Variants in ELP2 observed in about 807,000 individuals in gnomAD.
The protein encoded by ELP2 is elongator acetyltransferase complex subunit 2, also known as elongator complex protein 2.
Under a neutral mutation model 119.2 loss-of-function variants are expected in ELP2, and 90 were observed. The ratio of observed to expected loss-of-function variants is 0.75; its 90% CI spans 0.64 to 0.90. The LOEUF (loss-of-function observed/expected upper bound fraction) is 0.90, where lower values mean the gene tolerates loss of function less well. Among genes scored for constraint, ELP2 ranks in the 40% least tolerant of loss-of-function variants. The probability of loss-of-function intolerance (pLI) is 0.00; values close to 1 mark genes in which losing one functional copy is unlikely to be tolerated. For missense variants in ELP2, 921 were observed against 967.8 expected (o/e 0.95, Z 0.64); for synonymous variants, 339 against 331.0 (o/e 1.02, Z -0.26).
intron 21 of ELP2, among the ~76,000 whole-genome samples, chr18:36,173,600 G>T (rs1431911661): frequency 6.6e-6 from 1 of 152,196 alleles, no homozygotes; most frequent in African/African-American, 2.4e-5. Context: ...AGGGCACGCA[G>T]TCATCTTGTT....
intron 12 of ELP2, among the ~76,000 whole-genome samples, chr18:36,155,327 T>G (rs949680507): frequency 1.0e-4 from 15 of 146,468 alleles, no homozygotes; most frequent in African/African-American, 3.8e-4. Flanking sequence ...CGGCCTCTTC[T>G]TATTTTACTA....
chr18:36,141,248 A>G (rs768819477), intron 6 of ELP2, 47 bp downstream of exon 6: 6 of 1,397,174 alleles, frequency 4.3e-6, no homozygotes, highest in South Asian at 2.3e-5. Flanking sequence ...CTGCTTAGTT[A>G]TATCTCAATA....
intron 5 of ELP2, chr18:36,139,346 C>A: frequency 7.2e-7 from 1 of 1,394,142 alleles, no homozygotes; most frequent in Non-Finnish European, 9.6e-7. Context: ...TGAAACCCAT[C>A]TGTATTTATC....
rs1342025359 is a variant in ELP2 at position 36,164,145 on chromosome 18, A to G, written c.1762-330A>G. ...TTTCATTTTTTTCCCCCTTCATGTC[A>G]CAGTTTTTCATTTTATTTTTCCCCC... On this transcript the variant is annotated intron_variant, in intron 17 of 21. Transcript: ENST00000358232. 2.0e-5 allele frequency among the ~76,000 whole-genome samples: 3 copies of G among 151,860 alleles called. No individual in the cohort carries two copies. In the East Asian group the frequency reaches 5.8e-4, roughly 29 times the overall value.
At chr18:36,153,835 G>A (rs1023476451) in intron 11 of ELP2, among the ~76,000 whole-genome samples, 1 of 151,808 alleles carries the variant, frequency 6.6e-6, no homozygotes, top group African/African-American at 2.4e-5. Flanking sequence ...TGAAGGTACA[G>A]AGTTTCCACG....
intron 19 of ELP2, 81 bp from the exon 20 acceptor site, chr18:36,169,982 A>G: frequency 2.5e-6 from 4 of 1,571,212 alleles, no homozygotes; most frequent in East Asian, 4.5e-5. Context: ...ACTTTGTTTT[A>G]TCTTTGCCGA....
rs1383405472 is a variant in ELP2 at position 36,180,225 on chromosome 18, C to T, written c.*5584C>T. 1 of 152,188 alleles carries T rather than the reference C, an allele frequency of 6.6e-6. No individual in the cohort carries two copies. Among genetic ancestry groups the T allele is most frequent in the Non-Finnish European group, 1.5e-5 (1 of 68,044 alleles). The allele number at this position is 152,188 out of a possible 1,614,324, so 9.4% of individuals were successfully genotyped here. A position where few individuals can be genotyped will look rare whatever the true frequency, so the allele number is the denominator to read the frequency against. On this transcript the variant is annotated 3_prime_UTR_variant, in exon 22 of 22. Coordinates refer to ENST00000358232, the MANE Select transcript of ELP2 (RefSeq NM_018255.4). ...AAGAGGAAGAAGGCATGAAGAAAGG[C>T]CTGCCCCTGACTTTAAAAACATTTC...
In ELP2 at chr18:36,177,426, T is replaced by C. The variant is rs1012479450; in HGVS notation, c.*2785T>C. On this transcript the variant is annotated 3_prime_UTR_variant, in exon 22 of 22. Transcript: ENST00000358232. Reference sequence around the variant, plus strand: ...TCACTGGAAGACAAATACTCTATGCTTCCATTTATGTGAAGTATCTAGAGC... The same window carrying C: ...TCACTGGAAGACAAATACTCTATGCCTCCATTTATGTGAAGTATCTAGAGC... 6.6e-6 allele frequency: 1 copy of C among 152,212 alleles called. No homozygotes were observed. The highest frequency in any genetic ancestry group is 1.5e-5 in the Non-Finnish European group (1 of 68,034). 9.4% of individuals were successfully genotyped at this position (152,212 alleles called of 1,614,324 possible).
At chr18:36,139,732 T>C in intron 5 of ELP2, 3 of 793,024 alleles carry the variant, frequency 3.8e-6, no homozygotes, top group East Asian at 2.7e-5. Flanking sequence ...AAGTCTCTTA[T>C]CTAGCAGAGT....
At chr18:36,149,134 C>T (rs1262314187) in intron 11 of ELP2, among the ~76,000 whole-genome samples, 5 of 152,192 alleles carry the variant, frequency 3.3e-5, no homozygotes, top group Non-Finnish European at 5.9e-5. Flanking sequence ...TCCTCAATGA[C>T]CCATTTATTC....
intron 1 of ELP2, among the ~76,000 whole-genome samples, chr18:36,132,175 C>T (rs2089658175): frequency 6.6e-6 from 1 of 152,074 alleles, no homozygotes; most frequent in African/African-American, 2.4e-5. Flanking sequence ...CATGAGCCAC[C>T]ACACCTGGCC....
Position 36,171,111 on chromosome 18 carries a change from C to G in ELP2, c.2275C>G (p.Gln759Glu), listed in dbSNP as rs775689375. ...ICLYTWKKTD[Q>E]VPEINDWTHC... Reference sequence around the variant, plus strand: ...CTTATATACCTGGAAAAAGACTGATCAAGTTCCAGAAATAAATGACTGGAC... The same window carrying G: ...CTTATATACCTGGAAAAAGACTGATGAAGTTCCAGAAATAAATGACTGGAC... The change falls in exon 21 of 22, where the codon CAA becomes GAA. Residue 759 changes from glutamine (Q) to glutamate (E), a missense_variant. By Grantham distance (29) the Gln-to-Glu change is conservative. Coordinates refer to ENST00000358232, the MANE Select transcript of ELP2 (RefSeq NM_018255.4). The G allele has an allele frequency of 3.1e-6, 5 of 1,614,092 alleles. No homozygotes were observed. Among genetic ancestry groups the G allele is most frequent in the Non-Finnish European group, 4.2e-6 (5 of 1,179,924 alleles).
intron 9 of ELP2, 168 bp downstream of exon 9, chr18:36,145,202 G>C: frequency 1.1e-5 from 7 of 630,732 alleles, no homozygotes; most frequent in Non-Finnish European, 2.0e-5. Flanking sequence ...TGGACACTCA[G>C]TTCCATTGAA....
In ELP2 at chr18:36,133,277, C is replaced by T. The variant is rs553697188; in HGVS notation, c.178C>T (p.Arg60Ter). The T allele has an allele frequency of 3.8e-5, 62 of 1,613,856 alleles. No individual in the cohort carries two copies. The highest frequency in any genetic ancestry group is 1.7e-4 in the Middle Eastern group (1 of 6,060). The change falls in exon 2 of 22, where the codon CGA (arginine) becomes TGA (stop). Residue 60 changes from arginine to a stop codon, truncating the protein, a stop_gained. Transcript: ENST00000358232. LOFTEE classifies it high-confidence loss of function. ...TACCAACTTGAATGGTCACACCGCC[C>T]GAGTCAATTGCATACAGTGGATTTG... Reference protein sequence around the residue: ...VVTNLNGHTARVNCIQWICKQ... With the variant: ...VVTNLNGHTA
rs1170439644 is a variant in ELP2 at position 36,177,298 on chromosome 18, T to G, written c.*2657T>G. ...TGAATGATCAACAAAATGTGGTATA[T>G]TCATACAGTGGAATATTATTCAGCC... On this transcript the variant is annotated 3_prime_UTR_variant, in exon 22 of 22. Transcript: ENST00000358232. The G allele has an allele frequency of 6.6e-6, 1 of 152,190 alleles. No individual in the cohort carries two copies. The highest frequency in any genetic ancestry group is 2.4e-5 in the African/African-American group (1 of 41,434). The allele number at this position is 152,190 out of a possible 1,614,324, so 9.4% of individuals were successfully genotyped here.
chr18:36,142,227 A>G lies in ELP2; in HGVS notation c.589-54A>G. ...TCTGAGACCAAATGATGTCACTGGTATACATGAAGATGTTAAATTCTTACA... is the reference window on the plus strand; with the variant it reads ...TCTGAGACCAAATGATGTCACTGGTGTACATGAAGATGTTAAATTCTTACA... On this transcript the variant is annotated intron_variant, in intron 6 of 21. Transcript: ENST00000358232. The G allele has an allele frequency of 5.0e-6, 7 of 1,400,376 alleles. No individual in the cohort carries two copies. In the Admixed American group the frequency reaches 5.0e-5, roughly 10 times the overall value. 86.7% of individuals were successfully genotyped at this position (1,400,376 alleles called of 1,614,324 possible).
chr18:36,139,855 T>A (rs959297371), intron 5 of ELP2: 2 of 231,408 alleles, frequency 8.6e-6, no homozygotes, highest in Non-Finnish European at 1.6e-5. Context: ...TAAAATTTAT[T>A]TATTTATTTT....
intron 21 of ELP2, among the ~76,000 whole-genome samples, chr18:36,172,802 A>AT (rs1195510321): frequency 6.6e-6 from 1 of 152,196 alleles, no homozygotes; most frequent in African/African-American, 2.4e-5. Flanking sequence ...CACGTATAGA[A>AT]TTTGAGTTTT....
chr18:36,148,286 G>T (rs930880146), intron 11 of ELP2, among the ~76,000 whole-genome samples: 2 of 151,900 alleles, frequency 1.3e-5, no homozygotes, highest in African/African-American at 2.4e-5. Flanking sequence ...GTAGAGACGG[G>T]GCTTCATGGT....
Sources: allele counts gnomAD v4.1 joint callset (sites outside exome capture counted in the v4.1 genomes callset), GRCh38; gene constraint gnomAD v4.1.1; transcripts MANE v1.5; gene names NCBI Gene and HGNC (gene_info 2026-07-23, HGNC 2026-07-21).